The following SVOP variants were observed in gnomAD, a reference collection of about 807,000 sequenced individuals.
The protein encoded by SVOP is synaptic vesicle 2-related protein.
A neutral mutation model predicts 69.1 loss-of-function variants in SVOP; 17 were observed. The observed-to-expected ratio is 0.25, with a 90% confidence interval of 0.17 to 0.37. The LOEUF is 0.37. SVOP is among the 10% of genes least tolerant of loss of function. The probability of loss-of-function intolerance (pLI) is 1.00; values close to 1 mark genes in which losing one functional copy is unlikely to be tolerated. For missense variants in SVOP, 435 were observed against 597.5 expected, an observed-to-expected ratio of 0.73 and a Z score of 2.84; for synonymous variants, 238 against 238.6, an observed-to-expected ratio of 1.00 and a Z score of 0.02.
chr12:108,915,152 G>GA (rs1422351854), intron 15 of SVOP, among the ~76,000 whole-genome samples: 1 of 137,518 alleles, frequency 7.3e-6, no homozygotes, highest in African/African-American at 2.9e-5. Context: ...CAGCCTGGGT[G>GA]ACAAAGCGAG....
intron 1 of SVOP, among the ~76,000 whole-genome samples, chr12:109,016,485 G>A (rs1217118091): frequency 6.6e-6 from 1 of 152,146 alleles, no homozygotes; most frequent in Non-Finnish European, 1.5e-5. Context: ...CCTACTCCCT[G>A]TTATCCTCAG....
At chr12:108,972,380 G>A (rs762441180) in intron 5 of SVOP, 25 bp downstream of exon 5, 123 of 1,536,166 alleles carry the variant, frequency 8.0e-5, no homozygotes, top group Middle Eastern at 3.3e-4. Flanking sequence ...GAGGACATGC[G>A]TTTAGAAGAG....
chr12:108,949,584 C>T (rs1304377481), intron 6 of SVOP, among the ~76,000 whole-genome samples: 1 of 152,086 alleles, frequency 6.6e-6, no homozygotes, highest in Non-Finnish European at 1.5e-5. Context: ...ATCTTTCAGC[C>T]TCTTTTCTAT....
intron 14 of SVOP, among the ~76,000 whole-genome samples, chr12:108,917,629 T>C (rs936321322): frequency 6.6e-6 from 1 of 151,422 alleles, no homozygotes; most frequent in African/African-American, 2.4e-5. Context: ...CATCAATACA[T>C]AGACATCCAC....
rs1383350780 is a variant in SVOP at position 108,934,285 on chromosome 12, G to A, written c.972-14C>T. ...GCATTGGAAAACCTGCCAGGAGAAA[G>A]CAAGAAAGGTAAAGAAATGATCAGA... On this transcript the variant is annotated splice_polypyrimidine_tract_variant and intron_variant, in intron 10 of 15. Coordinates refer to ENST00000610966, the MANE Select transcript of SVOP (RefSeq NM_018711.5). The A allele has an allele frequency of 6.3e-7, 1 of 1,590,234 alleles. No homozygotes were observed. The highest frequency in any genetic ancestry group is 8.6e-7 in the Non-Finnish European group (1 of 1,167,932).
At chr12:109,012,509 C>T (rs2040347344) in intron 1 of SVOP, among the ~76,000 whole-genome samples, 2 of 152,098 alleles carry the variant, frequency 1.3e-5, no homozygotes, top group Admixed American at 6.6e-5. Context: ...ATGTTCTACA[C>T]CATACATATG....
intron 8 of SVOP, 118 bp from the exon 9 acceptor site, chr12:108,939,073 G>C (rs2039873627): frequency 5.6e-6 from 8 of 1,429,106 alleles, no homozygotes; most frequent in Non-Finnish European, 7.6e-6. Context: ...TGGAGCCAGA[G>C]AGCTGACTTC....
intron 11 of SVOP, chr12:108,926,488 C>T (rs1422832910): frequency 6.6e-6 from 1 of 152,136 alleles, no homozygotes; most frequent in Non-Finnish European, 1.5e-5. Context: ...AGAGTCCATG[C>T]TAATTTTCTC....
At chr12:108,930,724 A>G (rs530084254) in intron 11 of SVOP, among the ~76,000 whole-genome samples, 1 of 152,258 alleles carries the variant, frequency 6.6e-6, no homozygotes, top group African/African-American at 2.4e-5. Flanking sequence ...ATGAGCCACT[A>G]CGCCTGGTGA....
At chr12:109,012,492 GAAC>G (rs1316202465) in intron 1 of SVOP, among the ~76,000 whole-genome samples, 5 of 152,030 alleles carry the variant, frequency 3.3e-5, no homozygotes, top group Admixed American at 3.3e-4. Context: ...ACGTATTTCA[GAAC>G]AACATGTTCT....
intron 5 of SVOP, among the ~76,000 whole-genome samples, chr12:108,964,333 A>G (rs531804596): frequency 1.3e-5 from 2 of 152,130 alleles, no homozygotes; most frequent in Non-Finnish European, 2.9e-5. Context: ...TGACTGTAAC[A>G]TCGGTACTGG....
At chr12:108,940,987 AG>A in intron 7 of SVOP, 78 bp from the exon 8 acceptor site, 1 of 1,490,334 alleles carries the variant, frequency 6.7e-7, no homozygotes, top group Non-Finnish European at 9.0e-7. Flanking sequence ...ATTGTGGACA[AG>A]GGTATCTCTG....
chr12:108,969,508 G>A (rs927811769), intron 5 of SVOP, among the ~76,000 whole-genome samples: 2 of 151,602 alleles, frequency 1.3e-5, no homozygotes, highest in Non-Finnish European at 2.9e-5. Context: ...TGTATTTTCA[G>A]TAGAGATGGG....
chr12:108,980,807 C>CCCAGCTA (rs1454371060), intron 2 of SVOP, among the ~76,000 whole-genome samples: 1 of 151,360 alleles, frequency 6.6e-6, no homozygotes, highest in Non-Finnish European at 1.5e-5. Flanking sequence ...TGCCTGTAGT[C>CCCAGCTA]CCAGCTACTC....
Position 108,945,165 on chromosome 12 carries a change from C to A in SVOP, c.580G>T (p.Val194Leu). ...GFGIGGVPQS[V>L]TLYAEFLPMK... is the part of the protein sequence containing the mutation. ...GGAAGGAACTCGGCATACAGCGTCA[C>A]CCTGGGAATGTAAAAGGGAAAGAAA... The change falls in exon 7 of 16, where the codon GTG becomes TTG. Residue 194 changes from valine to leucine, a missense_variant and splice_region_variant. Coordinates refer to ENST00000610966, the MANE Select transcript of SVOP (RefSeq NM_018711.5). 6.5e-7 allele frequency: 1 copy of A among 1,536,960 alleles called. No individual in the cohort carries two copies. Among genetic ancestry groups the A allele is most frequent in the Non-Finnish European group, 8.7e-7 (1 of 1,146,846 alleles).
intron 1 of SVOP, among the ~76,000 whole-genome samples, chr12:108,996,379 G>A (rs1045033748): frequency 2.6e-5 from 4 of 152,080 alleles, no homozygotes; most frequent in African/African-American, 4.8e-5. Flanking sequence ...CCAACATGGT[G>A]AATCCTCGTC....
At chr12:108,947,347 A>G (rs561860835) in intron 6 of SVOP, among the ~76,000 whole-genome samples, 16 of 152,054 alleles carry the variant, frequency 1.1e-4, no homozygotes, top group African/African-American at 2.9e-4. Flanking sequence ...CTGTCTGTCT[A>G]TCTATCTATC....
intron 1 of SVOP, among the ~76,000 whole-genome samples, chr12:109,003,104 G>C (rs2040282998): frequency 6.6e-6 from 1 of 152,074 alleles, no homozygotes; most frequent in Admixed American, 6.6e-5. Flanking sequence ...CAGTTTGTTT[G>C]CATGCTACAG....
At chr12:108,989,521 C>T (rs1367359910) in intron 1 of SVOP, among the ~76,000 whole-genome samples, 3 of 152,176 alleles carry the variant, frequency 2.0e-5, no homozygotes, top group Non-Finnish European at 2.9e-5. Context: ...AAGTGTGAAT[C>T]GTGACACTGA....
Sources: allele counts gnomAD v4.1 joint callset (sites outside exome capture counted in the v4.1 genomes callset), GRCh38; gene constraint gnomAD v4.1.1; transcripts MANE v1.5; gene names NCBI Gene and HGNC (gene_info 2026-07-23, HGNC 2026-07-21).